FASTKD5: variants seen among roughly 807,000 people sequenced by gnomAD.
The protein encoded by FASTKD5 is non-canonical pre-mRNAs endonuclease FASTKD5, mitochondrial.
In FASTKD5, 30 loss-of-function variants were observed where a neutral mutation model predicts 44.0. The observed-to-expected ratio is 0.68, with a 90% confidence interval of 0.51 to 0.93. The LOEUF is 0.93. FASTKD5 is among the 40% of genes least tolerant of loss of function. The pLI, the probability that FASTKD5 is intolerant of heterozygous loss-of-function variation, is 0.00. For missense variants in FASTKD5, 868 were observed against 908.2 expected (o/e 0.96, Z 0.57); for synonymous variants, 335 against 342.2 (o/e 0.98, Z 0.23).
At chr20:3,158,500 C>T (rs192844164) in intron 1 of FASTKD5, among the ~76,000 whole-genome samples, 4 of 152,058 alleles carry the variant, frequency 2.6e-5, no homozygotes, top group Admixed American at 6.6e-5. Flanking sequence ...TTGAGACGGA[C>T]TCTCGCTCTC....
chr20:3,154,279 G>A (rs1005552832), intron 1 of FASTKD5, among the ~76,000 whole-genome samples: 3 of 152,156 alleles, frequency 2.0e-5, no homozygotes, highest in Non-Finnish European at 2.9e-5. Context: ...TACTTCTACC[G>A]GATAATCCGG....
Position 3,148,386 on chromosome 20 carries a change from CAT to C in FASTKD5, c.683_684del (p.Tyr228Ter). The C allele has an allele frequency of 6.2e-7, 1 of 1,614,192 alleles. No individual in the cohort carries two copies. The highest frequency in any genetic ancestry group is 1.3e-5 in the African/African-American group (1 of 75,070). ...IPHSHSMLDVYETKCCHQVWE... is the reference protein window; with the variant it reads ...IPHSHSMLDVXETKCCHQVWE... ...CATACCTGATGGCAACACTTGGTCTCATACACATCTAGCATTGAATGGGAGTG... is the reference window on the plus strand; with the variant it reads ...CATACCTGATGGCAACACTTGGTCTCACACATCTAGCATTGAATGGGAGTG... On this transcript the variant is annotated frameshift_variant, in exon 2 of 2. Transcript: ENST00000380266. LOFTEE classifies it high-confidence loss of function.
At position 3,149,790 on chromosome 20, in the gene FASTKD5, G is replaced by A. The variant is rs1160455836; in HGVS notation, c.-190-530C>T. Among the ~76,000 whole-genome samples, 1 of 152,164 alleles carries A rather than the reference G, an allele frequency of 6.6e-6. No individual in the cohort carries two copies. Among genetic ancestry groups the A allele is most frequent in the Non-Finnish European group, 1.5e-5 (1 of 68,038 alleles). ...GCCAGCACTTTGGGAGGCCGAGGCA[G>A]GCAGATCACTTGAGGTCAGGAGTTC... is the stretch of plus-strand genomic sequence containing the variant. On this transcript the variant is annotated intron_variant, in intron 1 of 1. Transcript: ENST00000380266. This position sits in a 1 kb window ranked among gnomAD's most constrained non-coding sequence, Gnocchi z 4.1.
chr20:3,150,759 A>C (rs1432817346), intron 1 of FASTKD5: 1 of 152,240 alleles, frequency 6.6e-6, no homozygotes, highest in African/African-American at 2.4e-5. Flanking sequence ...GCTCTGTTCC[A>C]GTAGCCCAGC....
Position 3,148,890 on chromosome 20 carries a change from T to C in FASTKD5, c.181A>G (p.Ser61Gly). 2 of 1,614,200 alleles carry C rather than the reference T, an allele frequency of 1.2e-6. No homozygotes were observed. The highest frequency in any genetic ancestry group is 1.7e-6 in the Non-Finnish European group (2 of 1,180,024). ...HSAKKVKNICSTFSSRRILTT... is the reference protein window; with the variant it reads ...HSAKKVKNICGTFSSRRILTT... ...AGGATTCTCCGAGAAGAGAAGGTGC[T>C]ACATATGTTCTTAACTTTTTTGGCA... The change falls in exon 2 of 2, where the codon AGC becomes GGC. Residue 61 changes from serine to glycine, a missense_variant. By Grantham distance (56) the Ser-to-Gly change is moderately conservative. Transcript: ENST00000380266.
chr20:3,146,663 C>G lies in FASTKD5; in HGVS notation c.*113G>C, dbSNP rs1361347258. On this transcript the variant is annotated 3_prime_UTR_variant, in exon 2 of 2. Transcript: ENST00000380266. ...ACCTGCCTTGGATACAATTAAGTCT[C>G]CTCAACACACTATTTTATCGCCAAA... The G allele has an allele frequency of 2.3e-6, 3 of 1,281,774 alleles. No individual in the cohort carries two copies. The highest frequency in any genetic ancestry group is 3.3e-6 in the Non-Finnish European group (3 of 920,220). The allele number at this position is 1,281,774 out of a possible 1,614,324, so 79.4% of individuals were successfully genotyped here.
chr20:3,147,004 G>T lies in FASTKD5; in HGVS notation c.2067C>A (p.Cys689Ter), dbSNP rs1187625114. Residue 689 changes from cysteine to a stop codon, truncating the protein, a stop_gained, in exon 2 of 2, where the codon TGC (cysteine) becomes TGA (stop). Transcript: ENST00000380266. LOFTEE classifies it high-confidence loss of function. ...MEMAGLCPAA[C>*]MQTPRMKLAV... ...CCAGCTTCATTCTTGGGGTCTGCAT[G>T]CAGGCTGCGGGGCACAGGCCAGCCA... The T allele has an allele frequency of 1.2e-6, 2 of 1,614,178 alleles. No homozygotes were observed. The highest frequency in any genetic ancestry group is 1.7e-6 in the Non-Finnish European group (2 of 1,180,038).
chr20:3,148,847 T>C lies in FASTKD5; in HGVS notation c.224A>G (p.His75Arg), dbSNP rs374950346. 5 of 1,614,092 alleles carry C rather than the reference T, an allele frequency of 3.1e-6. No homozygotes were observed. In the African/African-American group the frequency reaches 5.3e-5, roughly 17 times the overall value. ...SRRILTTSSA[H>R]PGLEFSKTSS... ...AGTCTTGCTGAATTCCAAACCTGGG[T>C]GGGCACTGCTGGTTGTCAGGATTCT... Residue 75 changes from histidine to arginine, a missense_variant, in exon 2 of 2, where the codon CAC becomes CGC. Coordinates refer to ENST00000380266, the MANE Select transcript of FASTKD5 (RefSeq NM_021826.5).
intron 1 of FASTKD5, among the ~76,000 whole-genome samples, chr20:3,153,133 A>G (rs1221067500): frequency 6.6e-6 from 1 of 152,242 alleles, no homozygotes; most frequent in Non-Finnish European, 1.5e-5. Context: ...AATGATATTA[A>G]TTTTAAAACA....
In FASTKD5 at chr20:3,148,352, T is replaced by C; in HGVS notation, c.719A>G (p.Asn240Ser). 1 of 1,614,164 alleles carries C rather than the reference T, an allele frequency of 6.2e-7. No homozygotes were observed. The highest frequency in any genetic ancestry group is 8.5e-7 in the Non-Finnish European group (1 of 1,180,030). ...TKCCHQVWEM[N>S]MDQLLLVADL... Reference sequence around the variant, plus strand: ...AGCCACCAAAAGGAGCTGATCCATATTCATCTCCCATACCTGATGGCAACA... The same window carrying C: ...AGCCACCAAAAGGAGCTGATCCATACTCATCTCCCATACCTGATGGCAACA... The change falls in exon 2 of 2, where the codon AAT (asparagine) becomes AGT (serine). Residue 240 changes from asparagine to serine, a missense_variant. Coordinates refer to ENST00000380266, the MANE Select transcript of FASTKD5 (RefSeq NM_021826.5).
chr20:3,146,650 T>C lies in FASTKD5; in HGVS notation c.*126A>G. 3.5e-6 allele frequency: 4 copies of C among 1,130,410 alleles called. No homozygotes were observed. The highest frequency in any genetic ancestry group is 5.1e-6 in the Non-Finnish European group (4 of 785,674). 70.0% of individuals were successfully genotyped at this position (1,130,410 alleles called of 1,614,324 possible). The stretch of plus-strand genomic sequence containing the variant: ...TACACTAGCTCTAACCTGCCTTGGA[T>C]ACAATTAAGTCTCCTCAACACACTA... On this transcript the variant is annotated 3_prime_UTR_variant, in exon 2 of 2. Coordinates refer to ENST00000380266, the MANE Select transcript of FASTKD5 (RefSeq NM_021826.5).
intron 1 of FASTKD5, among the ~76,000 whole-genome samples, chr20:3,152,889 G>GAGCA (rs1443975555): frequency 1.3e-5 from 2 of 149,542 alleles, no homozygotes; most frequent in African/African-American, 4.9e-5. Context: ...CTGGGCGAAA[G>GAGCA]AGCAAGACTG....
In FASTKD5 at chr20:3,148,281, T is replaced by C; in HGVS notation, c.790A>G (p.Ile264Val). ...TGCAAATTAAGATAACTAGAAAAAA[T>C]GTTTAAAAACCTAGGTACTTTGCGG... ...LGRKVPRFLNIFSSYLNLHWK... is the reference protein window; with the variant it reads ...LGRKVPRFLNVFSSYLNLHWK... The change falls in exon 2 of 2, where the codon ATT becomes GTT. Residue 264 changes from isoleucine to valine, a missense_variant. Coordinates refer to ENST00000380266, the MANE Select transcript of FASTKD5 (RefSeq NM_021826.5). 6.2e-7 allele frequency: 1 copy of C among 1,611,484 alleles called. No homozygotes were observed. Among genetic ancestry groups the C allele is most frequent in the Non-Finnish European group, 8.5e-7 (1 of 1,179,442 alleles).
Position 3,148,094 on chromosome 20 carries a change from A to C in FASTKD5, c.977T>G (p.Phe326Cys). 6.2e-7 allele frequency: 1 copy of C among 1,614,126 alleles called. No individual in the cohort carries two copies. Among genetic ancestry groups the C allele is most frequent in the Non-Finnish European group, 8.5e-7 (1 of 1,180,028 alleles). The change falls in exon 2 of 2, where the codon TTT becomes TGT. Residue 326 changes from phenylalanine to cysteine, a missense_variant. By Grantham distance (205) the Phe-to-Cys change is radical. Coordinates refer to ENST00000380266, the MANE Select transcript of FASTKD5 (RefSeq NM_021826.5). ...TTCAGAGAGATTAGTACTTGATTTA[A>C]AGAACCCCAAACAGATGGTACCAAC... ...EEVGTICLGF[F>C]KSSTNLSEFV...
chr20:3,148,488 C>T lies in FASTKD5; in HGVS notation c.583G>A (p.Val195Met). The T allele has an allele frequency of 6.2e-7, 1 of 1,614,118 alleles. No individual in the cohort carries two copies. The highest frequency in any genetic ancestry group is 8.5e-7 in the Non-Finnish European group (1 of 1,180,008). The change falls in exon 2 of 2, where the codon GTG becomes ATG. Residue 195 changes from valine (V) to methionine (M), a missense_variant. Coordinates refer to ENST00000380266, the MANE Select transcript of FASTKD5 (RefSeq NM_021826.5). ...GTATCAAAGAGCTGTATCTTCTTCA[C>T]ACTCAGCTGGCAGAGCAGAGCAAAG... ...TSFALLCQLS[V>M]KKIQLFDTQD... is the part of the protein sequence containing the mutation.
chr20:3,156,306 G>A (rs1483521257), intron 1 of FASTKD5, among the ~76,000 whole-genome samples: 1 of 151,328 alleles, frequency 6.6e-6, no homozygotes, highest in Non-Finnish European at 1.5e-5. Flanking sequence ...CTCCCAAGTA[G>A]CTGAGACTAA....
chr20:3,147,300 C>T lies in FASTKD5; in HGVS notation c.1771G>A (p.Glu591Lys). ...ILPHTRSSDL[E>K]VQLDVNLKPL... ...TTCAGGTTAACATCAAGCTGGACCT[C>T]TAAGTCAGAAGATCGGGTATGAGGC... The change falls in exon 2 of 2, where the codon GAG (glutamate) becomes AAG (lysine). Residue 591 changes from glutamate (E) to lysine (K), a missense_variant. Transcript: ENST00000380266. 1 of 1,614,218 alleles carries T rather than the reference C, an allele frequency of 6.2e-7. No homozygotes were observed. The highest frequency in any genetic ancestry group is 8.5e-7 in the Non-Finnish European group (1 of 1,180,040).
intron 1 of FASTKD5, among the ~76,000 whole-genome samples, chr20:3,152,520 G>C (rs2066641248): frequency 6.6e-6 from 1 of 151,770 alleles, no homozygotes; most frequent in African/African-American, 2.4e-5. Flanking sequence ...AGAAGAGGAA[G>C]ACCTACTTTC....
Position 3,154,514 on chromosome 20 carries a change from C to A in FASTKD5, c.-191+5252G>T, listed in dbSNP as rs78576953. 2.9e-3 allele frequency among the ~76,000 whole-genome samples: 437 copies of A among 151,876 alleles called. 3 individuals carry two copies. Among genetic ancestry groups the A allele is most frequent in the African/African-American group, 9.5e-3 (395 of 41,398 alleles). On this transcript the variant is annotated intron_variant, in intron 1 of 1. Coordinates refer to ENST00000380266, the MANE Select transcript of FASTKD5 (RefSeq NM_021826.5). ...CTGGGCAATGTAGTGAGACCCCCAC[C>A]TCTACAAAATATTTAGAAATTAGCC...
Sources: allele counts gnomAD v4.1 joint callset (sites outside exome capture counted in the v4.1 genomes callset), GRCh38; gene constraint gnomAD v4.1.1; non-coding constraint Gnocchi (gnomAD v3.1); transcripts MANE v1.5; gene names NCBI Gene and HGNC (gene_info 2026-07-23, HGNC 2026-07-21).